The following AMMECR1 variants were observed in gnomAD, a reference collection of about 807,000 sequenced individuals.
The protein encoded by AMMECR1 is AMMECR nuclear protein 1.
A neutral mutation model predicts 22.5 loss-of-function variants in AMMECR1; 3 were observed. The observed-to-expected ratio is 0.13, with a 90% CI of 0.06 to 0.35. The LOEUF (loss-of-function observed/expected upper bound fraction) is 0.35. Among genes scored for constraint, AMMECR1 ranks in the 10% least tolerant of loss-of-function variants. AMMECR1 has a pLI of 1.00. For synonymous variants in AMMECR1, 130 were observed against 116.7 expected (o/e 1.11, Z -0.74); for missense variants, 235 against 278.7 (o/e 0.84, Z 1.12).
intron 2 of AMMECR1, among the ~76,000 whole-genome samples, chrX:110,246,233 G>C (rs1406853430): frequency 9.0e-6 from 1 of 111,629 alleles, no homozygotes; most frequent in African/African-American, 3.3e-5. Flanking sequence ...CATAAGAATT[G>C]AGTGTTCCTA....
intron 2 of AMMECR1, among the ~76,000 whole-genome samples, chrX:110,227,930 G>T (rs1173421112): frequency 8.0e-5 from 9 of 111,986 alleles, no homozygotes; most frequent in Non-Finnish European, 1.5e-4. Flanking sequence ...GCACAAGGGG[G>T]ATCAGGAAGA....
chrX:110,205,998 A>G (rs920903839), intron 3 of AMMECR1, among the ~76,000 whole-genome samples: 8 of 112,394 alleles, frequency 7.1e-5, no homozygotes, highest in Middle Eastern at 4.6e-3. Flanking sequence ...TTTGTTTTTA[A>G]CATTGTTCAG....
chrX:110,364,905 T>C (rs756116469), intron 2 of AMMECR1, among the ~76,000 whole-genome samples: 1 of 112,391 alleles, frequency 8.9e-6, no homozygotes, highest in Admixed American at 9.4e-5. Context: ...TATTTGTTCC[T>C]GAGCCTCAGC....
At chrX:110,240,153 C>A (rs764305554) in intron 2 of AMMECR1, among the ~76,000 whole-genome samples, 1 of 110,490 alleles carries the variant, frequency 9.1e-6, no homozygotes, top group African/African-American at 3.3e-5. Context: ...CAACAACTAA[C>A]GGGCAAAATA....
intron 2 of AMMECR1, among the ~76,000 whole-genome samples, chrX:110,398,234 G>A (rs1264245528): frequency 8.9e-6 from 1 of 112,060 alleles, no homozygotes; most frequent in Non-Finnish European, 1.9e-5. Flanking sequence ...AGGTGAACCC[G>A]CTGGCACCAC....
intron 1 of AMMECR1, among the ~76,000 whole-genome samples, chrX:110,306,034 C>A (rs1045552224): frequency 4.5e-5 from 5 of 110,424 alleles, no homozygotes; most frequent in African/African-American, 1.7e-4. Context: ...GTAATCCCAG[C>A]ACTTTGGGAG....
At chrX:110,399,242 C>T (rs2068548448) in intron 2 of AMMECR1, among the ~76,000 whole-genome samples, 1 of 112,546 alleles carries the variant, frequency 8.9e-6, no homozygotes, top group South Asian at 3.7e-4. Flanking sequence ...TCAGAACAAC[C>T]CTTCAAGGTA....
chrX:110,328,070 G>A (rs1459167414), intron 2 of AMMECR1, among the ~76,000 whole-genome samples: 2 of 111,769 alleles, frequency 1.8e-5, no homozygotes, highest in South Asian at 3.8e-4. Context: ...CTAGCTGTGG[G>A]TTTCCAGTGA....
chrX:110,361,677 C>T (rs1324841635), intron 2 of AMMECR1, among the ~76,000 whole-genome samples: 1 of 112,348 alleles, frequency 8.9e-6, no homozygotes, highest in Non-Finnish European at 1.9e-5. Context: ...CAAGCGCCTT[C>T]TCGCCATTCT....
intron 2 of AMMECR1, among the ~76,000 whole-genome samples, chrX:110,375,799 G>A (rs965051355): frequency 5.4e-5 from 6 of 112,029 alleles, no homozygotes; most frequent in Middle Eastern, 4.6e-3. Context: ...TCTTAGCATG[G>A]AAAGTAAGAA....
rs374922433 is a variant in AMMECR1, at chrX:110,317,803, C to T, written c.269G>A (p.Ser90Asn). The change falls in exon 1 of 6, where the codon AGC becomes AAC. Residue 90 changes from serine (S) to asparagine (N), a missense_variant. This residue lies in a region of AMMECR1 where 124 missense variants were observed against 97.0 expected (regional missense o/e 1.28). Transcript: ENST00000262844. ...AGAAAGTAGGGTCCCCACTCCGCAG[C>T]TCGGAGGTGGCGACAGGGCGATCCC... ...GGGIALSPPPSCGVGTLLSTP... is the reference protein window; with the variant it reads ...GGGIALSPPPNCGVGTLLSTP... 7.7e-5 allele frequency: 89 copies of T among 1,163,395 alleles called. No homozygotes were observed. Among genetic ancestry groups the T allele is most frequent in the Non-Finnish European group, 9.8e-5 (85 of 871,545 alleles).
rs764322185 is a variant in AMMECR1, at chrX:110,343,232, A to G, written c.-147-25383T>C. Among the ~76,000 whole-genome samples, 628 of 112,036 alleles carry G rather than the reference A, an allele frequency of 5.6e-3. 1 individual carries two copies. The highest frequency in any genetic ancestry group is 0.018 in the Middle Eastern group (4 of 218). On this transcript the variant is annotated intron_variant, in intron 2 of 7. Coordinates refer to the AMMECR1 transcript ENST00000372057. ...TAATCCAGCATATAAACAGAACCAA[A>G]GACAAAAACCACATGATTATCTCAA...
Position 110,229,543 on chromosome X carries a change from G to A in AMMECR1, c.585-12911C>T, listed in dbSNP as rs749293510. Among the ~76,000 whole-genome samples, 224 of 112,403 alleles carry A rather than the reference G, an allele frequency of 2.0e-3. 2 individuals carry two copies. The highest frequency in any genetic ancestry group is 7.0e-3 in the African/African-American group (217 of 30,954). On this transcript the variant is annotated intron_variant, in intron 2 of 5. Coordinates refer to ENST00000262844, the MANE Select transcript of AMMECR1 (RefSeq NM_015365.3). ...AAAAAAGGGCAATGGGAGTTGCCAA[G>A]ATGGCCGAACAGGAACAGCTCCAGT...
At chrX:110,353,289 AT>A (rs1469259054) in intron 2 of AMMECR1, among the ~76,000 whole-genome samples, 1 of 111,522 alleles carries the variant, frequency 9.0e-6, no homozygotes, top group South Asian at 3.7e-4. Context: ...TGTTTTCTAA[AT>A]TTTTTTAGTC....
At chrX:110,306,311 A>T (rs1429662350) in intron 1 of AMMECR1, among the ~76,000 whole-genome samples, 1 of 111,535 alleles carries the variant, frequency 9.0e-6, no homozygotes, top group Admixed American at 9.4e-5. Flanking sequence ...AAAATAAAAT[A>T]AAAAATAAAA....
chrX:110,218,550 G>A lies in AMMECR1; in HGVS notation c.585-1918C>T, dbSNP rs1358204535. Among the ~76,000 whole-genome samples the A allele has an allele frequency of 2.3e-4, 7 of 30,449 alleles. No individual in the cohort carries two copies. The Admixed American group carries it at 3.4e-3, about 15-fold the overall frequency. The allele number at this position is 30,449 out of a possible 115,157, so 26.4% of individuals were successfully genotyped here. A position where few individuals can be genotyped will look rare whatever the true frequency, so the allele number is the denominator to read the frequency against. Reference sequence around the variant, plus strand: ...AACTCCCCATTCCCCCCCGCCCCTAGTCCTGGCATAAAATGTAATTTAAAT... The same window carrying A: ...AACTCCCCATTCCCCCCCGCCCCTAATCCTGGCATAAAATGTAATTTAAAT... On this transcript the variant is annotated intron_variant, in intron 2 of 5. Coordinates refer to ENST00000262844, the MANE Select transcript of AMMECR1 (RefSeq NM_015365.3).
intron 2 of AMMECR1, among the ~76,000 whole-genome samples, chrX:110,391,889 G>T (rs961055303): frequency 8.9e-6 from 1 of 111,791 alleles, no homozygotes; most frequent in African/African-American, 3.3e-5. Context: ...TTTCATCCCT[G>T]ATTTTGTCAA....
chrX:110,348,438 G>A (rs917519071), intron 2 of AMMECR1, among the ~76,000 whole-genome samples: 2 of 112,047 alleles, frequency 1.8e-5, no homozygotes, highest in African/African-American at 6.5e-5. Flanking sequence ...AAACACTCAC[G>A]ATCCATGCAA....
At chrX:110,303,559 T>C (rs1267326674) in intron 1 of AMMECR1, among the ~76,000 whole-genome samples, 1 of 112,280 alleles carries the variant, frequency 8.9e-6, no homozygotes, top group Non-Finnish European at 1.9e-5. Context: ...TTTGGCCTCC[T>C]ATCCCATTAT....
Sources: allele counts gnomAD v4.1 joint callset (sites outside exome capture counted in the v4.1 genomes callset), GRCh38; gene constraint gnomAD v4.1.1; regional missense constraint gnomAD v4.1.1; transcripts MANE v1.5; gene names NCBI Gene and HGNC (gene_info 2026-07-23, HGNC 2026-07-21).